FAM171A1: variants seen among roughly 807,000 people sequenced by gnomAD.
FAM171A1 encodes the protein family with sequence similarity 171 member A1.
FAM171A1 carries 23 observed loss-of-function variants against 74.9 expected under a neutral mutation model. The ratio of observed to expected loss-of-function variants is 0.31; its 90% CI spans 0.22 to 0.44. The LOEUF is 0.44. Among genes scored for constraint, FAM171A1 ranks in the 20% least tolerant of loss-of-function variants. FAM171A1 has a pLI of 1.00. For missense variants in FAM171A1, 1,162 were observed against 1,159.2 expected, an observed-to-expected ratio of 1.00 and a Z score of -0.03; for synonymous variants, 527 against 505.7, an observed-to-expected ratio of 1.04 and a Z score of -0.57.
At chr10:15,261,201 T>C (rs370960973) in intron 3 of FAM171A1, among the ~76,000 whole-genome samples, 6 of 152,210 alleles carry the variant, frequency 3.9e-5, no homozygotes, top group Non-Finnish European at 7.3e-5. Context: ...TTTCAGAAGA[T>C]GAAGTTTAAA....
chr10:15,234,355 C>T (rs1367348904), intron 5 of FAM171A1, among the ~76,000 whole-genome samples: 1 of 152,116 alleles, frequency 6.6e-6, no homozygotes, highest in Non-Finnish European at 1.5e-5. Flanking sequence ...TATTGTTACC[C>T]GTTGAGGGTA....
intron 1 of FAM171A1, among the ~76,000 whole-genome samples, chr10:15,356,211 C>A (rs1186788721): frequency 2.0e-5 from 3 of 149,796 alleles, no homozygotes; most frequent in African/African-American, 7.4e-5. Flanking sequence ...TATATAAATA[C>A]ATACATACAT....
rs1833931520 is a variant in FAM171A1 at position 15,214,004 on chromosome 10, T to C, written c.1584A>G (p.Lys528=). Residue 528 remains lysine, a synonymous_variant, in exon 8 of 8, where the codon AAA becomes AAG. Transcript: ENST00000378116. ...TGGGTCTGCGGTCCAGCAGCTGTTCTTTCTCAGGTGATGAAGGCGCGGGGT... is the reference window on the plus strand; with the variant it reads ...TGGGTCTGCGGTCCAGCAGCTGTTCCTTCTCAGGTGATGAAGGCGCGGGGT... ...HLYPAPSSPE[K]EQLLDRRPTE... 6.2e-7 allele frequency: 1 copy of C among 1,614,168 alleles called. No individual in the cohort carries two copies. Among genetic ancestry groups the C allele is most frequent in the Non-Finnish European group, 8.5e-7 (1 of 1,180,036 alleles).
At chr10:15,247,082 A>G (rs925828324) in intron 5 of FAM171A1, among the ~76,000 whole-genome samples, 6 of 152,248 alleles carry the variant, frequency 3.9e-5, no homozygotes, top group African/African-American at 1.4e-4. Flanking sequence ...TTAGCTAGAA[A>G]GATATTTTCT....
intron 1 of FAM171A1, among the ~76,000 whole-genome samples, chr10:15,309,425 C>T (rs1009248626): frequency 6.6e-6 from 1 of 152,268 alleles, no homozygotes; most frequent in Admixed American, 6.5e-5. Flanking sequence ...CCAGGCTGGT[C>T]TTGAACTCCT....
chr10:15,331,121 C>T (rs1030278052), intron 1 of FAM171A1, among the ~76,000 whole-genome samples: 12 of 152,072 alleles, frequency 7.9e-5, no homozygotes, highest in African/African-American at 2.4e-4. Context: ...AACTCCTGAC[C>T]TCAAGTGATC....
chr10:15,335,429 A>G (rs1314056717), intron 1 of FAM171A1, among the ~76,000 whole-genome samples: 1 of 152,244 alleles, frequency 6.6e-6, no homozygotes, highest in Non-Finnish European at 1.5e-5. Flanking sequence ...GCTGCTTTCA[A>G]AAATCTGTTT....
intron 1 of FAM171A1, among the ~76,000 whole-genome samples, chr10:15,333,913 T>C (rs1195594025): frequency 2.0e-5 from 3 of 151,900 alleles, no homozygotes; most frequent in Non-Finnish European, 4.4e-5. Flanking sequence ...GTCTTTTCCC[T>C]GCTCCTTTTG....
At chr10:15,369,047 C>T (rs1243597215) in intron 1 of FAM171A1, among the ~76,000 whole-genome samples, 5 of 152,116 alleles carry the variant, frequency 3.3e-5, no homozygotes, top group African/African-American at 1.2e-4. Flanking sequence ...TCTCCCACTC[C>T]AACCATACCC....
chr10:15,263,241 C>T (rs901110799), intron 3 of FAM171A1, among the ~76,000 whole-genome samples: 3 of 152,106 alleles, frequency 2.0e-5, no homozygotes, highest in South Asian at 2.1e-4. Context: ...CTAGAGGCTC[C>T]GGGAGCCAGA....
At chr10:15,362,143 T>A (rs751372481) in intron 1 of FAM171A1, among the ~76,000 whole-genome samples, 26 of 152,218 alleles carry the variant, frequency 1.7e-4, no homozygotes, top group Non-Finnish European at 3.4e-4. Context: ...CATTTGATCA[T>A]CTTATCTACC....
At position 15,213,208 on chromosome 10, in the gene FAM171A1, C is replaced by T. The variant is rs1833915972; in HGVS notation, c.2380G>A (p.Val794Met). ...CCACATTCGCTACCACTCTGTTCCA[C>T]GTCATCCAGGTACACGAGCTGCGTG... ...AYTQLVYLDDVEQSGSECGTT... is the reference protein window; with the variant it reads ...AYTQLVYLDDMEQSGSECGTT... Residue 794 changes from valine to methionine, a missense_variant, in exon 8 of 8, where the codon GTG (valine) becomes ATG (methionine). Transcript: ENST00000378116. The surrounding 1 kb of genome is among the most constrained non-coding windows in gnomAD (Gnocchi z 6.8). 11 of 1,614,140 alleles carry T rather than the reference C, an allele frequency of 6.8e-6. No homozygotes were observed. The highest frequency in any genetic ancestry group is 7.6e-6 in the Non-Finnish European group (9 of 1,180,040).
intron 4 of FAM171A1, among the ~76,000 whole-genome samples, chr10:15,253,069 T>C (rs1481370843): frequency 6.6e-6 from 1 of 152,182 alleles, no homozygotes; most frequent in Non-Finnish European, 1.5e-5. Context: ...AGTGGCACGA[T>C]CTTGGCTCAC....
At chr10:15,248,594 C>T (rs371897772) in intron 5 of FAM171A1, 45 bp downstream of exon 5, 11 of 1,544,900 alleles carry the variant, frequency 7.1e-6, no homozygotes, top group Non-Finnish European at 9.6e-6. Flanking sequence ...CAAACAGTAA[C>T]GAAGCCATCT....
chr10:15,313,869 G>A (rs988193596), intron 1 of FAM171A1, among the ~76,000 whole-genome samples: 3 of 152,216 alleles, frequency 2.0e-5, no homozygotes, highest in Non-Finnish European at 4.4e-5. Flanking sequence ...TTCCCCAACC[G>A]AGGGTTGATC....
chr10:15,363,194 C>T (rs988742129), intron 1 of FAM171A1, among the ~76,000 whole-genome samples: 1 of 152,170 alleles, frequency 6.6e-6, no homozygotes, highest in Non-Finnish European at 1.5e-5. Flanking sequence ...CAAAGACAGG[C>T]ATGGAGGTCG....
chr10:15,248,931 A>C, intron 4 of FAM171A1, 116 bp from the exon 5 acceptor site: 2 of 929,616 alleles, frequency 2.2e-6, no homozygotes, highest in Non-Finnish European at 3.1e-6. Context: ...CAGGGACTGC[A>C]TGAAGCACTT....
At chr10:15,361,345 T>C (rs1225262319) in intron 1 of FAM171A1, among the ~76,000 whole-genome samples, 1 of 151,814 alleles carries the variant, frequency 6.6e-6, no homozygotes, top group East Asian at 1.9e-4. Context: ...AGGAAGAGAG[T>C]GAACGTCATT....
At chr10:15,238,735 A>G (rs1834327548) in intron 5 of FAM171A1, among the ~76,000 whole-genome samples, 1 of 152,192 alleles carries the variant, frequency 6.6e-6, no homozygotes, top group African/African-American at 2.4e-5. Flanking sequence ...CCTGACACGA[A>G]TGCATCGTAC....
Sources: allele counts gnomAD v4.1 joint callset (sites outside exome capture counted in the v4.1 genomes callset), GRCh38; gene constraint gnomAD v4.1.1; non-coding constraint Gnocchi (gnomAD v3.1); transcripts MANE v1.5; gene names NCBI Gene and HGNC (gene_info 2026-07-23, HGNC 2026-07-21).